The following INSYN2B variants were observed in gnomAD, a reference collection of about 807,000 sequenced individuals.
INSYN2B encodes the protein protein INSYN2B.
INSYN2B carries 16 observed loss-of-function variants against 41.2 expected under a neutral mutation model. That is an observed-to-expected ratio of 0.39 (90% confidence interval 0.26 to 0.59). The LOEUF (loss-of-function observed/expected upper bound fraction) is 0.59, where lower values mean the gene tolerates loss of function less well. Ranked by LOEUF, INSYN2B falls within the 20% of genes least tolerant of loss-of-function variation. The pLI is 0.57. For synonymous variants in INSYN2B, 245 were observed against 244.4 expected, an observed-to-expected ratio of 1.00 and a Z score of -0.02; for missense variants, 608 against 646.4, an observed-to-expected ratio of 0.94 and a Z score of 0.64.
At chr5:169,959,178 G>C (rs1776981663) in intron 1 of INSYN2B, among the ~76,000 whole-genome samples, 1 of 152,050 alleles carries the variant, frequency 6.6e-6, no homozygotes, top group African/African-American at 2.4e-5. Flanking sequence ...GGATCATGAG[G>C]TCAGGACATT....
intron 3 of INSYN2B, among the ~76,000 whole-genome samples, chr5:169,866,556 C>T (rs987701794): frequency 6.6e-6 from 1 of 152,158 alleles, no homozygotes; most frequent in Admixed American, 6.5e-5. Flanking sequence ...TTGTGGCAGG[C>T]CCTGTTCTGG....
intron 1 of INSYN2B, among the ~76,000 whole-genome samples, chr5:169,936,303 G>C (rs555845189): frequency 6.6e-6 from 1 of 152,198 alleles, no homozygotes; most frequent in African/African-American, 2.4e-5. Flanking sequence ...GGGCTAGGCT[G>C]CAGCAAGGGC....
chr5:169,947,285 A>G (rs1776487667), intron 1 of INSYN2B, among the ~76,000 whole-genome samples: 1 of 152,226 alleles, frequency 6.6e-6, no homozygotes, highest in Admixed American at 6.5e-5. Context: ...ATGTTCCAAG[A>G]TTGTGAAGAG....
chr5:169,939,203 C>CTTTTTTT (rs56040572), intron 1 of INSYN2B, among the ~76,000 whole-genome samples: 12 of 143,744 alleles, frequency 8.3e-5, no homozygotes, highest in East Asian at 6.1e-4. Flanking sequence ...TGTGCCCGGC[C>CTTTTTTT]TTTTTTTTTT....
At chr5:169,967,494 GGGAAGAGTA>G (rs1777346168) in intron 1 of INSYN2B, among the ~76,000 whole-genome samples, 1 of 152,178 alleles carries the variant, frequency 6.6e-6, no homozygotes, top group South Asian at 2.1e-4. Context: ...AAAGTTTAAA[GGGAAGAGTA>G]GGAAGAGTGG....
chr5:169,910,420 AT>A (rs780546105), intron 1 of INSYN2B, among the ~76,000 whole-genome samples: 33 of 152,158 alleles, frequency 2.2e-4, no homozygotes, highest in Non-Finnish European at 3.8e-4. Flanking sequence ...GTGCTGATTT[AT>A]TGCTTACTCT....
intron 1 of INSYN2B, among the ~76,000 whole-genome samples, chr5:169,886,753 A>G (rs749855465): frequency 6.6e-6 from 1 of 152,280 alleles, no homozygotes; most frequent in South Asian, 2.1e-4. Flanking sequence ...AGGTATTTAT[A>G]TGTCTACTTT....
At chr5:169,865,322 G>A (rs1300515259) in intron 3 of INSYN2B, among the ~76,000 whole-genome samples, 1 of 152,194 alleles carries the variant, frequency 6.6e-6, no homozygotes, top group Admixed American at 6.5e-5. Context: ...GAGGTCAGGG[G>A]AGGTGGGCGT....
chr5:169,971,093 A>C (rs1777488216), intron 1 of INSYN2B, among the ~76,000 whole-genome samples: 4 of 151,870 alleles, frequency 2.6e-5, no homozygotes, highest in Admixed American at 2.6e-4. Context: ...ACTGCAGAGG[A>C]TGGTAATCGG....
Position 169,951,484 on chromosome 5 carries a change from T to C in INSYN2B, c.-919+28793A>G, listed in dbSNP as rs371847041. On this transcript the variant is annotated intron_variant, in intron 1 of 3. Transcript: ENST00000377365. ...GCTTAGAAATTCTTGGCTAATTCAC[T>C]CAGAGCCTGCTGTGTGCTGCCTGCT... Among the ~76,000 whole-genome samples, 279 of 152,248 alleles carry C rather than the reference T, an allele frequency of 1.8e-3. 6 individuals carry two copies. The South Asian group carries it at 0.048, about 26-fold the overall frequency.
At chr5:169,977,888 A>G (rs1252057189) in intron 1 of INSYN2B, among the ~76,000 whole-genome samples, 1 of 152,134 alleles carries the variant, frequency 6.6e-6, no homozygotes, top group Non-Finnish European at 1.5e-5. Context: ...GACCCACCAC[A>G]CAGACAGCAC....
intron 1 of INSYN2B, among the ~76,000 whole-genome samples, chr5:169,952,078 G>A (rs1015783250): frequency 6.6e-6 from 1 of 152,100 alleles, no homozygotes; most frequent in African/African-American, 2.4e-5. Flanking sequence ...AAGCCCCAAG[G>A]GTTTCTCCTA....
intron 3 of INSYN2B, among the ~76,000 whole-genome samples, chr5:169,868,064 G>C (rs980566681): frequency 6.6e-6 from 1 of 152,162 alleles, no homozygotes; most frequent in African/African-American, 2.4e-5. Context: ...ACCAGATAGA[G>C]CCAAAGAGAG....
intron 1 of INSYN2B, among the ~76,000 whole-genome samples, chr5:169,965,844 G>A (rs565882630): frequency 1.3e-4 from 20 of 152,294 alleles, no homozygotes; most frequent in Admixed American, 5.2e-4. Context: ...CTCATTGATG[G>A]CAAAGTTAGG....
chr5:169,902,146 A>G (rs1352590073), intron 1 of INSYN2B, among the ~76,000 whole-genome samples: 2 of 152,190 alleles, frequency 1.3e-5, no homozygotes, highest in African/African-American at 2.4e-5. Context: ...TACCACAAAA[A>G]CACTGAAAAG....
chr5:169,928,876 T>G (rs1307770467), intron 1 of INSYN2B, among the ~76,000 whole-genome samples: 6 of 152,250 alleles, frequency 3.9e-5, no homozygotes, highest in Non-Finnish European at 7.3e-5. Flanking sequence ...ATGCTCACTC[T>G]ATGCCCTGGG....
At chr5:169,904,994 C>T (rs1774193483) in intron 1 of INSYN2B, among the ~76,000 whole-genome samples, 1 of 152,192 alleles carries the variant, frequency 6.6e-6, no homozygotes, top group African/African-American at 2.4e-5. Flanking sequence ...AACTGAACCT[C>T]CCTGAGCCTC....
intron 1 of INSYN2B, among the ~76,000 whole-genome samples, chr5:169,964,256 G>C (rs1777208308): frequency 6.6e-6 from 1 of 152,144 alleles, no homozygotes; most frequent in African/African-American, 2.4e-5. Flanking sequence ...CTGGAGTTCA[G>C]GACTTCTGGA....
At chr5:169,945,576 A>C (rs181237150) in intron 1 of INSYN2B, among the ~76,000 whole-genome samples, 107 of 152,298 alleles carry the variant, frequency 7.0e-4, no homozygotes, top group African/African-American at 2.5e-3. Flanking sequence ...AAGGTGAGAA[A>C]ATCAGGGCTC....
Sources: gnomAD v4.1 joint callset for allele counts (sites outside exome capture counted in the v4.1 genomes callset) on GRCh38, gnomAD v4.1.1 for gene constraint, MANE v1.5 for transcripts, NCBI Gene and HGNC (gene_info 2026-07-23, HGNC 2026-07-21) for gene names.